Variants in PHTF2 observed in about 807,000 individuals in gnomAD.
The protein encoded by PHTF2 is putative homeodomain transcription factor 2.
In PHTF2, 60 loss-of-function variants were observed where a neutral mutation model predicts 101.2. That is an observed-to-expected ratio of 0.59 (90% CI 0.48 to 0.73). PHTF2 has a LOEUF of 0.73. Ranked by LOEUF, PHTF2 falls within the 30% of genes least tolerant of loss-of-function variation. The pLI is 0.00. For missense variants in PHTF2, 747 were observed against 908.7 expected, an observed-to-expected ratio of 0.82 and a Z score of 2.29; for synonymous variants, 311 against 307.3, an observed-to-expected ratio of 1.01 and a Z score of -0.13.
chr7:77,954,927 G>A lies in PHTF2; in HGVS notation c.*49G>A. On this transcript the variant is annotated 3_prime_UTR_variant, in exon 20 of 20. Coordinates refer to ENST00000416283, the Ensembl canonical transcript of PHTF2. ...GCCTCTTTTCCAGAATAAGAGTACT[G>A]ACTAAGCTGCCTGAAAGCTTGTCAC... 2.8e-6 allele frequency: 3 copies of A among 1,055,356 alleles called. No individual in the cohort carries two copies. In the South Asian group the frequency reaches 4.5e-5, roughly 16 times the overall value. 65.4% of individuals were successfully genotyped at this position (1,055,356 alleles called of 1,614,324 possible).
intron 3 of PHTF2, among the ~76,000 whole-genome samples, chr7:77,882,549 GTT>G (rs1799507664): frequency 6.6e-6 from 1 of 152,054 alleles, no homozygotes; most frequent in South Asian, 2.1e-4. Flanking sequence ...TTATTCCATG[GTT>G]TAGACTTCTT....
chr7:77,881,124 A>C (rs1434302060), intron 3 of PHTF2, among the ~76,000 whole-genome samples: 1 of 152,226 alleles, frequency 6.6e-6, no homozygotes, highest in African/African-American at 2.4e-5. Flanking sequence ...CCTCCTGTTT[A>C]AACGAGATTA....
chr7:77,883,894 G>A (rs1300777324), intron 3 of PHTF2, among the ~76,000 whole-genome samples: 1 of 152,190 alleles, frequency 6.6e-6, no homozygotes, highest in Non-Finnish European at 1.5e-5. Flanking sequence ...AGCCTAGAGA[G>A]ATTAAGATTT....
chr7:77,817,838 G>A (rs1174483749), intron 1 of PHTF2, among the ~76,000 whole-genome samples: 3 of 152,066 alleles, frequency 2.0e-5, no homozygotes, highest in African/African-American at 7.2e-5. Context: ...GGCCGGGTGC[G>A]GTGGCTCATG....
intron 1 of PHTF2, among the ~76,000 whole-genome samples, chr7:77,806,603 G>C (rs1584346451): frequency 6.6e-6 from 1 of 152,038 alleles, no homozygotes; most frequent in East Asian, 1.9e-4. Flanking sequence ...TGGGTCTTGG[G>C]TCTTGCTTTT....
At chr7:77,799,767 G>C (rs750745249) in intron 1 of PHTF2, among the ~76,000 whole-genome samples, 5 of 152,170 alleles carry the variant, frequency 3.3e-5, no homozygotes, top group Non-Finnish European at 7.3e-5. Flanking sequence ...CGAAAACAAG[G>C]AACTGCCTTA....
At chr7:77,923,883 C>G (rs989468345) in intron 11 of PHTF2, 1 of 973,398 alleles carries the variant, frequency 1.0e-6, no homozygotes, top group African/African-American at 1.8e-5. Flanking sequence ...TTTCTTGAAG[C>G]GCAGAACATT....
chr7:77,837,958 G>A (rs953247401), intron 1 of PHTF2, among the ~76,000 whole-genome samples: 1 of 152,120 alleles, frequency 6.6e-6, no homozygotes, highest in African/African-American at 2.4e-5. Context: ...TATTTTGTTA[G>A]ATAATCTGGA....
At chr7:77,866,163 G>A (rs1202193395) in intron 3 of PHTF2, among the ~76,000 whole-genome samples, 23 of 124,928 alleles carry the variant, frequency 1.8e-4, no homozygotes, top group Non-Finnish European at 6.2e-5. Flanking sequence ...CTGCCTGGAT[G>A]ACAGAGCGAG....
chr7:77,825,515 T>A (rs1794637597), intron 1 of PHTF2, among the ~76,000 whole-genome samples: 1 of 152,210 alleles, frequency 6.6e-6, no homozygotes, highest in Non-Finnish European at 1.5e-5. Context: ...CCCATGAAGG[T>A]AGGCTAGATC....
chr7:77,872,196 C>T (rs1798577306), intron 3 of PHTF2, among the ~76,000 whole-genome samples: 1 of 152,166 alleles, frequency 6.6e-6, no homozygotes, highest in Admixed American at 6.5e-5. Flanking sequence ...ACCATGGCCA[C>T]TTTGTTCATG....
chr7:77,859,970 G>A (rs1413797752), intron 3 of PHTF2, among the ~76,000 whole-genome samples: 3 of 152,098 alleles, frequency 2.0e-5, no homozygotes, highest in African/African-American at 7.2e-5. Flanking sequence ...TATTTGGGTT[G>A]TTTAACCTAA....
intron 10 of PHTF2, among the ~76,000 whole-genome samples, chr7:77,921,001 A>G (rs1803409519): frequency 6.6e-6 from 1 of 152,152 alleles, no homozygotes; most frequent in African/African-American, 2.4e-5. Flanking sequence ...TGTTAAAAGC[A>G]CTTTATAATT....
chr7:77,854,428 G>C (rs1797006672), intron 2 of PHTF2, among the ~76,000 whole-genome samples: 1 of 152,120 alleles, frequency 6.6e-6, no homozygotes, highest in Admixed American at 6.5e-5. Flanking sequence ...TCTTGCCCAA[G>C]GCCTACAGCG....
intron 1 of PHTF2, among the ~76,000 whole-genome samples, chr7:77,830,102 A>G (rs1281657893): frequency 6.6e-6 from 1 of 152,188 alleles, no homozygotes. Context: ...AAATTCAGAG[A>G]TAATAAAGAC....
At chr7:77,839,484 A>G (rs1363486989) in intron 1 of PHTF2, among the ~76,000 whole-genome samples, 3 of 152,222 alleles carry the variant, frequency 2.0e-5, no homozygotes, top group Non-Finnish European at 2.9e-5. Context: ...GTTATAGAAC[A>G]TATCAGCAGT....
intron 5 of PHTF2, among the ~76,000 whole-genome samples, chr7:77,898,878 A>G (rs544422634): frequency 6.6e-6 from 1 of 152,154 alleles, no homozygotes; most frequent in East Asian, 1.9e-4. Context: ...GGTTTATGGC[A>G]ACCTCCAACC....
chr7:77,918,276 C>T (rs144866104), intron 9 of PHTF2, among the ~76,000 whole-genome samples: 106 of 152,178 alleles, frequency 7.0e-4, no homozygotes, highest in Non-Finnish European at 1.1e-3. Context: ...AATTTTCAGC[C>T]ACTATTTCTA....
chr7:77,874,336 A>G (rs1301425848), intron 3 of PHTF2, among the ~76,000 whole-genome samples: 1 of 152,132 alleles, frequency 6.6e-6, no homozygotes, highest in Non-Finnish European at 1.5e-5. Context: ...TTCCTCTAGA[A>G]CCACTCCTGG....
Sources: gnomAD v4.1 joint callset for allele counts (sites outside exome capture counted in the v4.1 genomes callset) on GRCh38, gnomAD v4.1.1 for gene constraint, MANE v1.5 for transcripts, NCBI Gene and HGNC (gene_info 2026-07-23, HGNC 2026-07-21) for gene names.